MGMT: variants seen among roughly 807,000 people sequenced by gnomAD.
The protein encoded by MGMT is methylated-DNA--protein-cysteine methyltransferase.
MGMT carries 14 observed loss-of-function variants against 15.9 expected under a neutral mutation model. That is an observed-to-expected ratio of 0.88 (90% confidence interval 0.58 to 1.37). The LOEUF is 1.37. Among genes scored for constraint, MGMT ranks in the 40% most tolerant of loss-of-function variants. The pLI is 0.00. For synonymous variants in MGMT, 130 were observed against 118.2 expected, an observed-to-expected ratio of 1.10 and a Z score of -0.65; for missense variants, 282 against 268.1, an observed-to-expected ratio of 1.05 and a Z score of -0.36.
chr10:129,548,744 G>T (rs995294748), intron 2 of MGMT, among the ~76,000 whole-genome samples: 1 of 152,246 alleles, frequency 6.6e-6, no homozygotes, highest in South Asian at 2.1e-4. Context: ...CAGCTTTCGG[G>T]GGGGTGCTGG....
intron 2 of MGMT, among the ~76,000 whole-genome samples, chr10:129,645,723 G>A (rs1029624570): frequency 6.6e-6 from 1 of 152,224 alleles, no homozygotes; most frequent in Non-Finnish European, 1.5e-5. Context: ...ACTTCTTGTG[G>A]ACACGTTCTT....
chr10:129,632,062 C>A (rs956959052), intron 2 of MGMT, among the ~76,000 whole-genome samples: 4 of 152,098 alleles, frequency 2.6e-5, no homozygotes, highest in Non-Finnish European at 5.9e-5. Context: ...ATGCCTACAG[C>A]GTACAAATGT....
At chr10:129,651,245 T>C (rs752706042) in intron 2 of MGMT, among the ~76,000 whole-genome samples, 25 of 152,164 alleles carry the variant, frequency 1.6e-4, no homozygotes, top group Non-Finnish European at 2.8e-4. Flanking sequence ...AGCCTTCCCT[T>C]AGGTGCTCGT....
At chr10:129,711,435 G>T (rs1421593242) in intron 3 of MGMT, among the ~76,000 whole-genome samples, 1 of 152,162 alleles carries the variant, frequency 6.6e-6, no homozygotes, top group Non-Finnish European at 1.5e-5. Flanking sequence ...GGAGGTCCCC[G>T]GGGCTGCCTC....
intron 3 of MGMT, 92 bp from the exon 4 acceptor site, chr10:129,759,110 A>G: frequency 1.4e-6 from 2 of 1,470,214 alleles, no homozygotes; most frequent in South Asian, 1.2e-5. Context: ...ATTTGTGTAG[A>G]TGCGTTTCCT....
intron 2 of MGMT, among the ~76,000 whole-genome samples, chr10:129,636,731 A>G (rs1847269084): frequency 6.6e-6 from 1 of 152,216 alleles, no homozygotes; most frequent in Non-Finnish European, 1.5e-5. Flanking sequence ...TTCTTTCTTT[A>G]ATGAGGCCAT....
At chr10:129,667,763 T>G (rs1417331454) in intron 2 of MGMT, among the ~76,000 whole-genome samples, 1 of 152,212 alleles carries the variant, frequency 6.6e-6, no homozygotes, top group Admixed American at 6.5e-5. Flanking sequence ...CGGGTGCCCG[T>G]TTGGTATTAG....
rs1223718938 is a variant in MGMT at position 129,767,927 on chromosome 10, CT to C, written c.*932del. 6.6e-6 allele frequency: 1 copy of C among 152,258 alleles called. No homozygotes were observed. Among genetic ancestry groups the C allele is most frequent in the Non-Finnish European group, 1.5e-5 (1 of 68,062 alleles). The allele number at this position is 152,258 out of a possible 1,614,324, so 9.4% of individuals were successfully genotyped here. On this transcript the variant is annotated 3_prime_UTR_variant, in exon 5 of 5. Coordinates refer to ENST00000651593, the MANE Select transcript of MGMT (RefSeq NM_002412.5). ...ATGGGCGGTGCGCTGCTGTCTGATA[CT>C]TCATTATTGTGTTGTCATCCTAGCT...
At chr10:129,522,000 A>T (rs1395552113) in intron 1 of MGMT, among the ~76,000 whole-genome samples, 1 of 152,234 alleles carries the variant, frequency 6.6e-6, no homozygotes, top group Non-Finnish European at 1.5e-5. Flanking sequence ...AGTGGTCTGG[A>T]CCGAGCAGGC....
intron 2 of MGMT, among the ~76,000 whole-genome samples, chr10:129,576,696 C>T (rs893710596): frequency 6.6e-6 from 1 of 152,106 alleles, no homozygotes; most frequent in African/African-American, 2.4e-5. Context: ...GGCAATCAGG[C>T]AGGAGAAGGG....
chr10:129,662,409 A>C lies in MGMT; in HGVS notation c.126-45486A>C, dbSNP rs570945870. On this transcript the variant is annotated intron_variant, in intron 2 of 4. Transcript: ENST00000651593. Reference sequence around the variant, plus strand: ...TTAACACTGGGAAAATCCTGGGTAAACTGCTGGGACAAGTTGGTCACCCTA... The same window carrying C: ...TTAACACTGGGAAAATCCTGGGTAACCTGCTGGGACAAGTTGGTCACCCTA... 3.3e-5 allele frequency among the ~76,000 whole-genome samples: 5 copies of C among 152,290 alleles called. No homozygotes were observed. The South Asian group carries it at 1.0e-3, about 32-fold the overall frequency.
chr10:129,757,446 C>T (rs953276459), intron 3 of MGMT, among the ~76,000 whole-genome samples: 8 of 152,196 alleles, frequency 5.3e-5, no homozygotes, highest in Non-Finnish European at 8.8e-5. Flanking sequence ...CCAGGCCGTT[C>T]TCCCAGAACA....
At chr10:129,547,427 TA>T (rs1338678677) in intron 2 of MGMT, among the ~76,000 whole-genome samples, 2 of 152,116 alleles carry the variant, frequency 1.3e-5, no homozygotes, top group African/African-American at 4.8e-5. Flanking sequence ...TATTTAAAAG[TA>T]GAAAGGCTTA....
At chr10:129,557,550 T>G (rs1003400841) in intron 2 of MGMT, among the ~76,000 whole-genome samples, 8 of 152,244 alleles carry the variant, frequency 5.3e-5, no homozygotes, top group African/African-American at 1.9e-4. Context: ...TACACACTAA[T>G]GAATTTTGTA....
At chr10:129,588,972 C>T (rs1321850346) in intron 2 of MGMT, among the ~76,000 whole-genome samples, 1 of 152,234 alleles carries the variant, frequency 6.6e-6, no homozygotes, top group East Asian at 1.9e-4. Flanking sequence ...CTGGCAGTAG[C>T]CTAATGCAGT....
At chr10:129,519,495 C>T (rs1409806656) in intron 1 of MGMT, among the ~76,000 whole-genome samples, 1 of 152,208 alleles carries the variant, frequency 6.6e-6, no homozygotes, top group Non-Finnish European at 1.5e-5. Flanking sequence ...TGCTGCGTGG[C>T]CTTGCGGTGA....
intron 2 of MGMT, among the ~76,000 whole-genome samples, chr10:129,599,901 G>C (rs1846798299): frequency 6.6e-6 from 1 of 152,196 alleles, no homozygotes; most frequent in African/African-American, 2.4e-5. Context: ...CATATTAACT[G>C]TGCATATCCC....
At chr10:129,467,408 G>A (rs990841814) in intron 1 of MGMT, 112 bp downstream of exon 1, 52 of 1,374,112 alleles carry the variant, frequency 3.8e-5, no homozygotes, top group Non-Finnish European at 4.7e-5. Flanking sequence ...GTGTGGGGCC[G>A]CCCTGACCCC....
chr10:129,754,221 C>T (rs1041174894), intron 3 of MGMT, among the ~76,000 whole-genome samples: 1 of 152,170 alleles, frequency 6.6e-6, no homozygotes, highest in African/African-American at 2.4e-5. Context: ...ACTCCTTTTC[C>T]TCCACAATCT....
Sources: gnomAD v4.1 joint callset for allele counts (sites outside exome capture counted in the v4.1 genomes callset) on GRCh38, gnomAD v4.1.1 for gene constraint, MANE v1.5 for transcripts, NCBI Gene and HGNC (gene_info 2026-07-23, HGNC 2026-07-21) for gene names.